The following DMGDH variants were observed in gnomAD, a reference collection of about 807,000 sequenced individuals.
DMGDH encodes the protein dimethylglycine dehydrogenase, mitochondrial.
In DMGDH, 76 loss-of-function variants were observed where a neutral mutation model predicts 95.2. The observed-to-expected ratio is 0.80, with a 90% confidence interval of 0.66 to 0.97. The LOEUF is 0.97. Among genes scored for constraint, DMGDH ranks in the 50% least tolerant of loss-of-function variants. The pLI is 0.00. For synonymous variants in DMGDH, 345 were observed against 377.6 expected (o/e 0.91, Z 1.00); for missense variants, 987 against 1,055.0 (o/e 0.94, Z 0.89).
intron 15 of DMGDH, among the ~76,000 whole-genome samples, chr5:79,004,453 T>C (rs1057089417): frequency 6.6e-6 from 1 of 152,162 alleles, no homozygotes; most frequent in Admixed American, 6.5e-5. Flanking sequence ...TCTTGGGTAA[T>C]GACCAAGCTG....
chr5:79,018,845 T>G (rs1440934761), intron 14 of DMGDH, among the ~76,000 whole-genome samples: 3 of 152,228 alleles, frequency 2.0e-5, no homozygotes, highest in African/African-American at 7.2e-5. Flanking sequence ...ATTGGATATA[T>G]ATGAAAATAA....
chr5:79,069,571 C>T lies in DMGDH; in HGVS notation c.50G>A (p.Cys17Tyr). ...QLLRGLLLRS[C>Y]PLQGSPGRPR... ...GCGCCCGGGGGAGCCCTGCAGCGGG[C>T]AGCTCCGCAGCAGGAGGCCCCGCAG... The change falls in exon 1 of 16, where the codon TGC becomes TAC. Residue 17 changes from cysteine (C) to tyrosine (Y), a missense_variant. Transcript: ENST00000255189. The T allele has an allele frequency of 1.5e-6, 2 of 1,348,506 alleles. No homozygotes were observed. Among genetic ancestry groups the T allele is most frequent in the South Asian group, 1.9e-5 (1 of 51,946 alleles). 83.5% of individuals were successfully genotyped at this position (1,348,506 alleles called of 1,614,324 possible).
At position 79,044,223 on chromosome 5, in the gene DMGDH, T is replaced by C. The variant is rs566525686; in HGVS notation, c.994+81A>G. 13 of 1,598,720 alleles carry C rather than the reference T, an allele frequency of 8.1e-6. No homozygotes were observed. The East Asian group carries it at 2.5e-4, about 30-fold the overall frequency. ...AAAGTCTAGTATTATGTTGTTGTCT[T>C]ATTCTACAGCCATCCTCCAGCCATG... On this transcript the variant is annotated intron_variant, in intron 6 of 15. Transcript: ENST00000255189.
At chr5:79,033,545 G>C (rs1171402125) in intron 7 of DMGDH, 137 bp from the exon 8 acceptor site, 2 of 1,071,402 alleles carry the variant, frequency 1.9e-6, no homozygotes, top group Non-Finnish European at 2.8e-6. Context: ...AATCTCTATG[G>C]AACAATTTTT....
At position 79,038,538 on chromosome 5, in the gene DMGDH, A is replaced by C. The variant is rs562396896; in HGVS notation, c.1193+3745T>G. Among the ~76,000 whole-genome samples the C allele has an allele frequency of 5.5e-4, 84 of 152,302 alleles. 1 individual carries two copies. The highest frequency in any genetic ancestry group is 1.9e-3 in the African/African-American group (81 of 41,554). The stretch of plus-strand genomic sequence containing the variant: ...GCATAAGAATAGACACAGATGAAGG[A>C]ACAGAATTGAGAGTCTAGAAATCAA... On this transcript the variant is annotated intron_variant, in intron 7 of 15. Coordinates refer to ENST00000255189, the MANE Select transcript of DMGDH (RefSeq NM_013391.3).
intron 6 of DMGDH, 133 bp downstream of exon 6, chr5:79,044,171 T>C: frequency 7.7e-7 from 1 of 1,296,090 alleles, no homozygotes; most frequent in Non-Finnish European, 1.1e-6. Context: ...ACCTCAAACC[T>C]GTCACCTCCA....
chr5:79,009,092 T>A (rs1387148965), intron 14 of DMGDH, among the ~76,000 whole-genome samples: 1 of 152,188 alleles, frequency 6.6e-6, no homozygotes, highest in Non-Finnish European at 1.5e-5. Flanking sequence ...ATGTTTCTTT[T>A]AAATTTCTTT....
intron 15 of DMGDH, among the ~76,000 whole-genome samples, chr5:79,002,280 AC>A (rs1216698018): frequency 2.0e-5 from 3 of 152,028 alleles, no homozygotes; most frequent in African/African-American, 7.2e-5. Flanking sequence ...CTCTCCACAA[AC>A]CTCTTTTTCA....
chr5:79,009,360 C>CTTTTTTT (rs372464439), intron 14 of DMGDH, among the ~76,000 whole-genome samples: 107 of 107,762 alleles, frequency 9.9e-4, no homozygotes, highest in African/African-American at 2.0e-3. Flanking sequence ...CTTTTCTTTT[C>CTTTTTTT]TTTTCTTTTT....
At chr5:79,035,035 A>G (rs1229322636) in intron 7 of DMGDH, among the ~76,000 whole-genome samples, 4 of 118,410 alleles carry the variant, frequency 3.4e-5, no homozygotes, top group Non-Finnish European at 4.9e-5. Context: ...CCAACCTGGG[A>G]GACACAGCGA....
Position 79,042,582 on chromosome 5 carries a change from G to C in DMGDH, c.995-101C>G. On this transcript the variant is annotated intron_variant, in intron 6 of 15. Transcript: ENST00000255189. ...CATGGCCTACATTTAAAGATGGCCT[G>C]TTAGGAAAGTACTGCCATTTTTTGT... is the stretch of plus-strand genomic sequence containing the variant. 1.3e-5 allele frequency: 15 copies of C among 1,137,636 alleles called. No individual in the cohort carries two copies. In the South Asian group the frequency reaches 1.9e-4, roughly 14 times the overall value. 70.5% of individuals were successfully genotyped at this position (1,137,636 alleles called of 1,614,324 possible).
intron 8 of DMGDH, 106 bp from the exon 9 acceptor site, chr5:79,032,946 AACAT>A (rs1261697850): frequency 4.8e-5 from 63 of 1,312,906 alleles, no homozygotes; most frequent in Non-Finnish European, 5.3e-5. Context: ...CAGATGCATA[AACAT>A]ACATACATAC....
rs1356798106 is a variant in DMGDH at position 79,063,482 on chromosome 5, A to G, written c.276+131T>C. ...CTGGAAGTACACCAGTTAAACTACA[A>G]CTGCACTTCCAACGCTATTGAAGGG... On this transcript the variant is annotated intron_variant, in intron 2 of 15. Coordinates refer to ENST00000255189, the MANE Select transcript of DMGDH (RefSeq NM_013391.3). 4 of 1,006,618 alleles carry G rather than the reference A, an allele frequency of 4.0e-6. No individual in the cohort carries two copies. The East Asian group carries it at 7.4e-5, about 19-fold the overall frequency. The allele number at this position is 1,006,618 out of a possible 1,614,324, so 62.4% of individuals were successfully genotyped here. A position where few individuals can be genotyped will look rare whatever the true frequency, so the allele number is the denominator to read the frequency against.
intron 1 of DMGDH, 39 bp from the exon 2 acceptor site, chr5:79,063,826 A>G (rs748006532): frequency 1.1e-5 from 17 of 1,605,638 alleles, no homozygotes; most frequent in Non-Finnish European, 1.4e-5. Flanking sequence ...TTCAATCGGC[A>G]ATGGTAGCTA....
At chr5:79,049,482 A>G (rs1034394864) in intron 5 of DMGDH, among the ~76,000 whole-genome samples, 1 of 152,230 alleles carries the variant, frequency 6.6e-6, no homozygotes, top group African/African-American at 2.4e-5. Context: ...TTAATTAGCA[A>G]TGTCTGCCAC....
intron 14 of DMGDH, among the ~76,000 whole-genome samples, chr5:79,015,884 C>CA (rs1320764569): frequency 5.9e-5 from 9 of 152,102 alleles, no homozygotes; most frequent in African/African-American, 2.2e-4. Flanking sequence ...CAAAGTAAAA[C>CA]AAACAAAATG....
chr5:79,067,986 G>A (rs1214518216), intron 1 of DMGDH, among the ~76,000 whole-genome samples: 1 of 152,130 alleles, frequency 6.6e-6, no homozygotes, highest in Non-Finnish European at 1.5e-5. Flanking sequence ...TGCAATCTCG[G>A]TTCTCACTGC....
intron 14 of DMGDH, among the ~76,000 whole-genome samples, chr5:79,012,271 T>A (rs1339923427): frequency 2.6e-5 from 4 of 152,076 alleles, no homozygotes; most frequent in Non-Finnish European, 4.4e-5. Flanking sequence ...ATCTTAAGGC[T>A]CCAAAATAAT....
chr5:79,040,098 C>A (rs1391716130), intron 7 of DMGDH, among the ~76,000 whole-genome samples: 1 of 152,202 alleles, frequency 6.6e-6, no homozygotes, highest in African/African-American at 2.4e-5. Flanking sequence ...TGGGAACACC[C>A]AGTTGGTCAG....
Sources: gnomAD v4.1 joint callset for allele counts (sites outside exome capture counted in the v4.1 genomes callset) on GRCh38, gnomAD v4.1.1 for gene constraint, MANE v1.5 for transcripts, NCBI Gene and HGNC (gene_info 2026-07-23, HGNC 2026-07-21) for gene names.